The following DISC1 variants were observed in gnomAD, a reference collection of about 807,000 sequenced individuals.
DISC1 encodes the protein DISC1 scaffold protein, also known as disrupted in schizophrenia 1 protein.
In DISC1, 57 loss-of-function variants were observed where a neutral mutation model predicts 84.5. The observed-to-expected ratio is 0.67, with a 90% confidence interval of 0.55 to 0.84. The LOEUF (loss-of-function observed/expected upper bound fraction) is 0.84. Ranked by LOEUF, DISC1 falls within the 40% of genes least tolerant of loss-of-function variation. DISC1 has a pLI of 0.00. For missense variants in DISC1, 1,000 were observed against 1,057.8 expected, an observed-to-expected ratio of 0.95 and a Z score of 0.76; for synonymous variants, 411 against 415.2, an observed-to-expected ratio of 0.99 and a Z score of 0.12.
intron 9 of DISC1, among the ~76,000 whole-genome samples, chr1:231,915,061 G>A (rs2089511677): frequency 6.6e-6 from 1 of 152,154 alleles, no homozygotes; most frequent in South Asian, 2.1e-4. Flanking sequence ...AATGTGTTAC[G>A]CTGACCAACT....
chr1:231,817,173 C>G (rs778434227), intron 8 of DISC1, among the ~76,000 whole-genome samples: 3 of 152,174 alleles, frequency 2.0e-5, no homozygotes, highest in Non-Finnish European at 4.4e-5. Flanking sequence ...CAACCTACAC[C>G]TCCTGGGTTT....
intron 3 of DISC1, among the ~76,000 whole-genome samples, chr1:231,717,022 C>A (rs987500430): frequency 1.3e-5 from 2 of 152,132 alleles, no homozygotes; most frequent in African/African-American, 4.8e-5. Flanking sequence ...TCTTGAGTGG[C>A]GGTTCCTTCC....
At chr1:231,868,692 T>TATATATATATATATATA (rs2085226389) in intron 9 of DISC1, among the ~76,000 whole-genome samples, 1 of 108,842 alleles carries the variant, frequency 9.2e-6, no homozygotes, top group African/African-American at 3.2e-5. Context: ...ACCCCATCTC[T>TATATATATATATATATA]TATATATATA....
chr1:231,842,790 T>G (rs1305728551), intron 9 of DISC1, among the ~76,000 whole-genome samples: 1 of 152,182 alleles, frequency 6.6e-6, no homozygotes, highest in Non-Finnish European at 1.5e-5. Context: ...TTGTGAGGAC[T>G]GGAGCTTACA....
At chr1:231,834,609 G>A (rs1367873290) in intron 9 of DISC1, among the ~76,000 whole-genome samples, 2 of 152,022 alleles carry the variant, frequency 1.3e-5, no homozygotes, top group Non-Finnish European at 2.9e-5. Context: ...AGGCATTTAG[G>A]TTTTAGGTCA....
chr1:231,721,688 C>G (rs2069734447), intron 3 of DISC1, among the ~76,000 whole-genome samples: 1 of 152,066 alleles, frequency 6.6e-6, no homozygotes, highest in Admixed American at 6.5e-5. Flanking sequence ...TTCTGAGGAG[C>G]CTCAGAGATG....
chr1:231,678,014 T>C, intron 1 of DISC1, among the ~76,000 whole-genome samples: 1 of 152,010 alleles, frequency 6.6e-6, no homozygotes, highest in Non-Finnish European at 1.5e-5. Flanking sequence ...TTTGATTTGC[T>C]GTAAGACCCT....
chr1:231,651,534 A>G (rs1301218597), intron 1 of DISC1, among the ~76,000 whole-genome samples: 1 of 152,212 alleles, frequency 6.6e-6, no homozygotes, highest in Admixed American at 6.5e-5. Flanking sequence ...GTTAGGCTAC[A>G]CAGGGGTCAG....
At chr1:232,008,729 G>A in intron 10 of DISC1, 56 bp from the exon 11 acceptor site, 1 of 1,510,844 alleles carries the variant, frequency 6.6e-7, no homozygotes, top group Non-Finnish European at 8.8e-7. Context: ...TATCGACTTG[G>A]TATGATGAAA....
chr1:231,737,382 G>T (rs200449865), intron 3 of DISC1, among the ~76,000 whole-genome samples: 5 of 152,130 alleles, frequency 3.3e-5, no homozygotes, highest in Non-Finnish European at 5.9e-5. Context: ...TAGTCAGATG[G>T]GTTCAACCAC....
chr1:231,636,179 G>C (rs1206593740), intron 1 of DISC1, among the ~76,000 whole-genome samples: 1 of 152,196 alleles, frequency 6.6e-6, no homozygotes, highest in African/African-American at 2.4e-5. Flanking sequence ...TCTTCATTCA[G>C]AAAGAGATAT....
intron 8 of DISC1, among the ~76,000 whole-genome samples, chr1:231,800,893 G>A (rs1443212067): frequency 1.3e-5 from 2 of 151,622 alleles, no homozygotes; most frequent in Non-Finnish European, 2.9e-5. Flanking sequence ...CAGATCTGGG[G>A]CTAAAGTCCA....
intron 3 of DISC1, among the ~76,000 whole-genome samples, chr1:231,749,311 G>A (rs191750442): frequency 2.0e-4 from 30 of 152,198 alleles, no homozygotes; most frequent in Admixed American, 1.8e-3. Context: ...ATGATCTGGA[G>A]TTTATTTTTA....
Position 231,744,257 on chromosome 1 carries a change from G to A in DISC1, c.1118-5669G>A, listed in dbSNP as rs966780373. ...ATGGCCCGAGGTGATGGCTTGGGAT[G>A]TTGAGCTGCCTTGGGCCCACCCACT... On this transcript the variant is annotated intron_variant, in intron 3 of 12. Transcript: ENST00000439617. Among the ~76,000 whole-genome samples, 4 of 152,284 alleles carry A rather than the reference G, an allele frequency of 2.6e-5. No individual in the cohort carries two copies. In the East Asian group the frequency reaches 7.7e-4, roughly 29 times the overall value.
At chr1:231,980,949 A>G (rs972006547) in intron 10 of DISC1, among the ~76,000 whole-genome samples, 1 of 152,176 alleles carries the variant, frequency 6.6e-6, no homozygotes, top group Non-Finnish European at 1.5e-5. Flanking sequence ...CGCCTTTTAT[A>G]TTAGGTTAAA....
intron 9 of DISC1, among the ~76,000 whole-genome samples, chr1:231,869,973 ATAGGAAAAAGC>A (rs1041924779): frequency 1.4e-3 from 210 of 152,312 alleles, no homozygotes; most frequent in African/African-American, 4.8e-3. Flanking sequence ...TGAACTTTAA[ATAGGAAAAAGC>A]TAGCAAAGGG....
At chr1:232,033,763 T>G (rs1353847261) in intron 12 of DISC1, among the ~76,000 whole-genome samples, 1 of 152,210 alleles carries the variant, frequency 6.6e-6, no homozygotes, top group African/African-American at 2.4e-5. Context: ...GGGAAATGTT[T>G]CCAGTGGTTT....
chr1:231,663,090 G>A (rs1022627181), intron 1 of DISC1, among the ~76,000 whole-genome samples: 6 of 151,542 alleles, frequency 4.0e-5, no homozygotes, highest in African/African-American at 1.5e-4. Context: ...CATGCTATGA[G>A]AGACCCACTT....
intron 9 of DISC1, among the ~76,000 whole-genome samples, chr1:231,891,128 C>T (rs1236497913): frequency 2.6e-5 from 4 of 152,130 alleles, no homozygotes; most frequent in East Asian, 1.9e-4. Context: ...TCCAATCTTT[C>T]GGCTTCCCTG....
Sources: gnomAD v4.1 joint callset for allele counts (sites outside exome capture counted in the v4.1 genomes callset) on GRCh38, gnomAD v4.1.1 for gene constraint, MANE v1.5 for transcripts, NCBI Gene and HGNC (gene_info 2026-07-23, HGNC 2026-07-21) for gene names.